The following AP4E1 variants were observed in gnomAD, a reference collection of about 807,000 sequenced individuals.
The protein encoded by AP4E1 is adaptor related protein complex 4 subunit epsilon 1.
In AP4E1, 56 loss-of-function variants were observed where a neutral mutation model predicts 128.2. That is an observed-to-expected ratio of 0.44 (90% CI 0.35 to 0.55). AP4E1 has a LOEUF of 0.55. Ranked by LOEUF, AP4E1 falls within the 20% of genes least tolerant of loss-of-function variation. The pLI, the probability that AP4E1 is intolerant of heterozygous loss-of-function variation, is 0.00. For missense variants in AP4E1, 1,324 were observed against 1,307.7 expected (o/e 1.01, Z -0.19); for synonymous variants, 484 against 473.1 (o/e 1.02, Z -0.30).
intron 13 of AP4E1, among the ~76,000 whole-genome samples, chr15:50,954,928 G>A (rs983011693): frequency 6.6e-6 from 1 of 152,110 alleles, no homozygotes; most frequent in Non-Finnish European, 1.5e-5. Context: ...CCACCTATGA[G>A]TGAGAACATG....
At chr15:50,941,821 A>T (rs781728526) in intron 10 of AP4E1, 46 bp downstream of exon 10, 48 of 1,485,818 alleles carry the variant, frequency 3.2e-5, no homozygotes, top group Non-Finnish European at 4.3e-5. Context: ...TAAAATTTTT[A>T]AAAATTTTGT....
chr15:50,969,740 G>A (rs2064452234), intron 15 of AP4E1, among the ~76,000 whole-genome samples: 2 of 149,632 alleles, frequency 1.3e-5, no homozygotes, highest in Non-Finnish European at 3.0e-5. Context: ...CTCACTGCAA[G>A]CTCTGCCTCC....
At chr15:50,935,448 A>C (rs570547863) in intron 8 of AP4E1, among the ~76,000 whole-genome samples, 96 of 151,792 alleles carry the variant, frequency 6.3e-4, no homozygotes, top group Non-Finnish European at 1.3e-3. Flanking sequence ...AAACTGAGAA[A>C]GTAGCCAAAA....
intron 13 of AP4E1, among the ~76,000 whole-genome samples, chr15:50,954,758 A>G (rs1028082912): frequency 6.6e-6 from 1 of 152,156 alleles, no homozygotes; most frequent in Admixed American, 6.5e-5. Context: ...GGTTTGTTAC[A>G]TATGTATACA....
At chr15:50,981,618 T>C (rs901463068) in intron 15 of AP4E1, among the ~76,000 whole-genome samples, 1 of 152,216 alleles carries the variant, frequency 6.6e-6, no homozygotes. Flanking sequence ...CATGATTTTG[T>C]TGGGGCAGGA....
At chr15:50,922,556 A>G (rs900403700) in intron 3 of AP4E1, among the ~76,000 whole-genome samples, 1 of 152,186 alleles carries the variant, frequency 6.6e-6, no homozygotes, top group African/African-American at 2.4e-5. Context: ...ATGCTGGGTA[A>G]TGATGGTTAT....
rs2064922257 is a variant in AP4E1 at position 50,999,134 on chromosome 15, A to G, written c.2967A>G (p.Gln989=). 4.3e-6 allele frequency: 7 copies of G among 1,614,086 alleles called. No homozygotes were observed. Among genetic ancestry groups the G allele is most frequent in the East Asian group, 2.2e-5 (1 of 44,860 alleles). The change falls in exon 19 of 21, where the codon CAA becomes CAG. Residue 989 remains glutamine, a synonymous_variant. Coordinates refer to ENST00000261842, the MANE Select transcript of AP4E1 (RefSeq NM_007347.5). ...VMEAESTKSF[Q]YSVQIEKPFT... ...AAGCAGAAAGCACCAAAAGCTTTCA[A>G]TATAGTGTGCAGATAGAAAAACCTT...
At chr15:50,921,170 T>G (rs2063699053) in intron 3 of AP4E1, among the ~76,000 whole-genome samples, 1 of 151,842 alleles carries the variant, frequency 6.6e-6, no homozygotes, top group Non-Finnish European at 1.5e-5. Flanking sequence ...TTATTTTCTT[T>G]TTAGAGATAG....
chr15:50,962,282 T>C (rs1191676739), intron 14 of AP4E1, among the ~76,000 whole-genome samples: 2 of 151,802 alleles, frequency 1.3e-5, no homozygotes, highest in Non-Finnish European at 2.9e-5. Context: ...TAGAGAACCA[T>C]GAGACTCTGA....
chr15:51,002,117 G>A (rs1307927369), intron 20 of AP4E1, among the ~76,000 whole-genome samples: 2 of 152,184 alleles, frequency 1.3e-5, no homozygotes, highest in African/African-American at 2.4e-5. Context: ...CTGAGCTTAA[G>A]TGATCTGCCC....
chr15:50,973,014 T>G (rs2064502854), intron 15 of AP4E1, among the ~76,000 whole-genome samples: 1 of 152,184 alleles, frequency 6.6e-6, no homozygotes. Flanking sequence ...ACTTTGTACT[T>G]AAGAAATGCA....
At chr15:51,001,278 G>A in intron 20 of AP4E1, 95 bp downstream of exon 20, 1 of 1,199,428 alleles carries the variant, frequency 8.3e-7, no homozygotes, top group Admixed American at 2.1e-5. Context: ...ATTTCTCAGA[G>A]CTTTATTTCC....
chr15:50,925,684 C>G lies in AP4E1; in HGVS notation c.542+465C>G, dbSNP rs138237808. Among the ~76,000 whole-genome samples the G allele has an allele frequency of 2.0e-3, 299 of 148,064 alleles. 2 individuals carry two copies. The highest frequency in any genetic ancestry group is 7.2e-3 in the African/African-American group (290 of 40,210). On this transcript the variant is annotated intron_variant, in intron 5 of 20. Transcript: ENST00000261842. ...TCACTCCGTTGTCCAGGCTGGAGTGCAATGGCATGAACTTGGCTCACTGCA... is the reference window on the plus strand; with the variant it reads ...TCACTCCGTTGTCCAGGCTGGAGTGGAATGGCATGAACTTGGCTCACTGCA...
chr15:50,909,514 A>G (rs919826443), intron 1 of AP4E1, among the ~76,000 whole-genome samples: 3 of 152,186 alleles, frequency 2.0e-5, no homozygotes, highest in Non-Finnish European at 2.9e-5. Flanking sequence ...TCAAAATGTA[A>G]AATTTGCTAA....
intron 2 of AP4E1, among the ~76,000 whole-genome samples, chr15:50,912,929 A>T (rs994532651): frequency 1.3e-5 from 2 of 152,064 alleles, no homozygotes; most frequent in Non-Finnish European, 2.9e-5. Context: ...CTCCTAAATC[A>T]AAGTACTAGG....
chr15:50,908,425 T>G (rs927758381), upstream of AP4E1: 35 of 190,280 alleles, frequency 1.8e-4, no homozygotes, highest in Non-Finnish European at 4.2e-5. Flanking sequence ...AGGCGGCTAG[T>G]GGGAAAGGGG....
At chr15:50,947,562 G>T (rs571248751) in intron 10 of AP4E1, among the ~76,000 whole-genome samples, 1 of 152,270 alleles carries the variant, frequency 6.6e-6, no homozygotes, top group African/African-American at 2.4e-5. Context: ...CACTCAAGTG[G>T]TGTCTTCTGT....
chr15:50,918,426 C>T (rs1414219254), intron 3 of AP4E1, among the ~76,000 whole-genome samples: 1 of 152,056 alleles, frequency 6.6e-6, no homozygotes, highest in Admixed American at 6.6e-5. Flanking sequence ...TTAGCATAGG[C>T]AGGAAATTTT....
At position 51,003,688 on chromosome 15, in the gene AP4E1, A is replaced by G. The variant is rs2064990787; in HGVS notation, c.*1026A>G. 1 of 152,674 alleles carries G rather than the reference A, an allele frequency of 6.5e-6. No individual in the cohort carries two copies. Among genetic ancestry groups the G allele is most frequent in the African/African-American group, 2.4e-5 (1 of 41,466 alleles). 9.5% of individuals were successfully genotyped at this position (152,674 alleles called of 1,614,324 possible). ...ATTATCAGTAAAAGAGGTTAAGCCT[A>G]TATATGAATGATGGACCAAAACCTT... On this transcript the variant is annotated 3_prime_UTR_variant, in exon 21 of 21. Coordinates refer to ENST00000261842, the MANE Select transcript of AP4E1 (RefSeq NM_007347.5).
Sources: gnomAD v4.1 joint callset for allele counts (sites outside exome capture counted in the v4.1 genomes callset) on GRCh38, gnomAD v4.1.1 for gene constraint, MANE v1.5 for transcripts, NCBI Gene and HGNC (gene_info 2026-07-23, HGNC 2026-07-21) for gene names.